Variants in WDFY3 observed in about 807,000 individuals in gnomAD.
WDFY3 encodes WD repeat and FYVE domain-containing protein 3.
WDFY3 carries 66 observed loss-of-function variants against 409.6 expected under a neutral mutation model. That is an observed-to-expected ratio of 0.16 (90% CI 0.13 to 0.20). The LOEUF is 0.20. Ranked by LOEUF, WDFY3 falls within the 10% of genes least tolerant of loss-of-function variation. The pLI, the probability that WDFY3 is intolerant of heterozygous loss-of-function variation, is 1.00. For synonymous variants in WDFY3, 1,521 were observed against 1,537.1 expected (o/e 0.99, Z 0.25); for missense variants, 3,031 against 4,298.1 (o/e 0.71, Z 8.24).
intron 44 of WDFY3, among the ~76,000 whole-genome samples, chr4:84,732,809 A>G (rs1433804476): frequency 6.6e-6 from 1 of 152,160 alleles, no homozygotes. Context: ...GCTAAGCTCT[A>G]TATTAGCATC....
intron 5 of WDFY3, among the ~76,000 whole-genome samples, chr4:84,845,470 T>C (rs1225181549): frequency 6.6e-6 from 1 of 152,144 alleles, no homozygotes; most frequent in East Asian, 1.9e-4. Flanking sequence ...GTTTCAGTCA[T>C]GTAAGACACA....
Position 84,704,318 on chromosome 4 carries a change from C to A in WDFY3, c.8442+20G>T, listed in dbSNP as rs1731565897. On this transcript the variant is annotated intron_variant, in intron 55 of 67. Transcript: ENST00000295888. ...AGTAGGCTTGTATAAAATAGAAAAACCCCAAATTTAAAGTTTTACCTGTAG... is the reference window on the plus strand; with the variant it reads ...AGTAGGCTTGTATAAAATAGAAAAAACCCAAATTTAAAGTTTTACCTGTAG... The A allele has an allele frequency of 1.9e-6, 3 of 1,544,000 alleles. No individual in the cohort carries two copies. The highest frequency in any genetic ancestry group is 1.2e-5 in the South Asian group (1 of 83,102).
chr4:84,734,020 T>C (rs1737032681), intron 43 of WDFY3, among the ~76,000 whole-genome samples: 1 of 152,160 alleles, frequency 6.6e-6, no homozygotes, highest in Non-Finnish European at 1.5e-5. Context: ...GGGGATATTC[T>C]AGGAAGTCAG....
intron 56 of WDFY3, among the ~76,000 whole-genome samples, chr4:84,701,772 C>A (rs1731102667): frequency 6.6e-6 from 1 of 152,032 alleles, no homozygotes; most frequent in Non-Finnish European, 1.5e-5. Flanking sequence ...AAAATAGAGT[C>A]CTTACAGGAT....
chr4:84,797,163 G>C (rs1006871202), intron 18 of WDFY3, among the ~76,000 whole-genome samples: 1 of 151,992 alleles, frequency 6.6e-6, no homozygotes, highest in Non-Finnish European at 1.5e-5. Flanking sequence ...AAAAGAAATA[G>C]GTCATCTTTA....
At chr4:84,675,539 A>T (rs2148714547) in intron 67 of WDFY3, among the ~76,000 whole-genome samples, 1 of 152,326 alleles carries the variant, frequency 6.6e-6, no homozygotes, top group African/African-American at 2.4e-5. Flanking sequence ...TTTACAGATA[A>T]AGAAACCAAA....
At chr4:84,798,178 G>A in intron 17 of WDFY3, 70 bp from the exon 18 acceptor site, 1 of 1,299,892 alleles carries the variant, frequency 7.7e-7, no homozygotes, top group Non-Finnish European at 1.1e-6. Context: ...CAAATATTCA[G>A]AAAAAGAATT....
intron 10 of WDFY3, 51 bp from the exon 11 acceptor site, chr4:84,821,602 G>C (rs1754073643): frequency 1.4e-6 from 2 of 1,425,900 alleles, no homozygotes; most frequent in Admixed American, 4.1e-5. Context: ...ATATTTTAAT[G>C]ATGGCAAACT....
chr4:84,684,089 C>T lies in WDFY3; in HGVS notation c.9580G>A (p.Val3194Met). The change falls in exon 63 of 68, where the codon GTG becomes ATG. Residue 3194 changes from valine to methionine, a missense_variant. Physicochemically the swap from Val to Met is conservative, Grantham distance 21. Transcript: ENST00000295888. The part of the protein sequence containing the change: ...IVSCAGTYIH[V>M]WSINGNPIVS... ...ATAGGGTTCCCATTGATGCTCCACA[C>T]ATGGATATATGTGCCAGCGCAGGAC... The T allele has an allele frequency of 1.2e-6, 2 of 1,608,916 alleles. No homozygotes were observed. Among genetic ancestry groups the T allele is most frequent in the Non-Finnish European group, 8.5e-7 (1 of 1,175,688 alleles).
intron 29 of WDFY3, among the ~76,000 whole-genome samples, chr4:84,774,162 C>T (rs1056874633): frequency 7.9e-5 from 12 of 152,138 alleles, no homozygotes; most frequent in South Asian, 2.1e-4. Context: ...ATCACATGAA[C>T]GAACAGTAGT....
chr4:84,923,241 CCCTT>C, intron 2 of WDFY3, among the ~76,000 whole-genome samples: 1 of 152,232 alleles, frequency 6.6e-6, no homozygotes, highest in Middle Eastern at 3.4e-3. Flanking sequence ...GTGAAAGATG[CCCTT>C]CCTATACTAC....
chr4:84,762,094 C>T (rs945660855), intron 32 of WDFY3, among the ~76,000 whole-genome samples: 3 of 152,030 alleles, frequency 2.0e-5, no homozygotes, highest in African/African-American at 7.3e-5. Flanking sequence ...ACCATTTGAC[C>T]CGGCCATCCC....
intron 44 of WDFY3, among the ~76,000 whole-genome samples, chr4:84,729,051 C>T (rs2149135055): frequency 6.6e-6 from 1 of 152,132 alleles, no homozygotes; most frequent in Admixed American, 6.6e-5. Flanking sequence ...AAGAAACTCT[C>T]CTAGTTAGAA....
At chr4:84,686,018 G>A (rs1728247211) in intron 62 of WDFY3, among the ~76,000 whole-genome samples, 1 of 152,178 alleles carries the variant, frequency 6.6e-6, no homozygotes, top group Non-Finnish European at 1.5e-5. Flanking sequence ...AACCCAAGGT[G>A]TTGTTCTGAA....
Position 84,755,285 on chromosome 4 carries a change from A to C in WDFY3, c.5540T>G (p.Leu1847Arg). 6.2e-7 allele frequency: 1 copy of C among 1,613,126 alleles called. No individual in the cohort carries two copies. Among genetic ancestry groups the C allele is most frequent in the Non-Finnish European group, 8.5e-7 (1 of 1,179,742 alleles). Residue 1847 changes from leucine (L) to arginine (R), a missense_variant, in exon 34 of 68, where the codon CTC (leucine) becomes CGC (arginine). By Grantham distance (102) the Leu-to-Arg change is moderately radical. Coordinates refer to ENST00000295888, the MANE Select transcript of WDFY3 (RefSeq NM_014991.6). ...TEAVFLLLGM[L>R]RSMLTSPWQS... ...ACTTACTGAAGTCAGCATGCTGCGG[A>C]GCATTCCCAATAATAAAAAAACAGC...
At chr4:84,955,294 GA>G (rs201814142) in intron 1 of WDFY3, among the ~76,000 whole-genome samples, 1,787 of 152,070 alleles carry the variant, frequency 0.012, 49 homozygotes, top group African/African-American at 0.04. Flanking sequence ...GAATTAAGAA[GA>G]ATGCCATGTA....
chr4:84,958,662 A>C (rs1361950193), intron 1 of WDFY3, among the ~76,000 whole-genome samples: 1 of 152,196 alleles, frequency 6.6e-6, no homozygotes, highest in African/African-American at 2.4e-5. Context: ...CAGAGGATGC[A>C]ATCTAGGCTC....
chr4:84,773,216 T>C (rs1174988972), intron 29 of WDFY3, among the ~76,000 whole-genome samples: 3 of 152,132 alleles, frequency 2.0e-5, no homozygotes, highest in Non-Finnish European at 4.4e-5. Context: ...AACTAGCCTT[T>C]TAAGGACCAT....
chr4:84,740,254 G>C lies in WDFY3; in HGVS notation c.6397C>G (p.Pro2133Ala). 6.2e-7 allele frequency: 1 copy of C among 1,614,004 alleles called. No individual in the cohort carries two copies. The highest frequency in any genetic ancestry group is 8.5e-7 in the Non-Finnish European group (1 of 1,180,004). ...ATGAATTCTTGGTCATGGTTCCCAG[G>C]TCCCAGGATCAAGTTTCTGTTTACA... ...LTVNRNLILG[P>A]GNHDQEFISC... Residue 2133 changes from proline to alanine, a missense_variant, in exon 39 of 68, where the codon CCT becomes GCT. Transcript: ENST00000295888.
Sources: allele counts gnomAD v4.1 joint callset (sites outside exome capture counted in the v4.1 genomes callset), GRCh38; gene constraint gnomAD v4.1.1; transcripts MANE v1.5; gene names NCBI Gene and HGNC (gene_info 2026-07-23, HGNC 2026-07-21).